CSMD1: variants seen among roughly 807,000 people sequenced by gnomAD.
CSMD1 encodes CUB and sushi domain-containing protein 1.
Under a neutral mutation model 417.5 loss-of-function variants are expected in CSMD1, and 213 were observed. The ratio of observed to expected loss-of-function variants is 0.51; its 90% CI spans 0.46 to 0.57. CSMD1 has a LOEUF of 0.57. Ranked by LOEUF, CSMD1 falls within the 20% of genes least tolerant of loss-of-function variation. CSMD1 has a pLI of 0.00. For synonymous variants in CSMD1, 2,862 were observed against 1,736.8 expected (o/e 1.65, Z -16.11); for missense variants, 6,923 against 4,529.7 (o/e 1.53, Z -15.17).
intron 23 of CSMD1, among the ~76,000 whole-genome samples, chr8:3,326,935 G>C (rs915237616): frequency 6.6e-6 from 1 of 152,020 alleles, no homozygotes; most frequent in African/African-American, 2.4e-5. Context: ...TCGGCTCTTA[G>C]GGAGGAAGAG....
intron 5 of CSMD1, among the ~76,000 whole-genome samples, chr8:3,879,500 T>C (rs1253704602): frequency 1.3e-5 from 2 of 152,178 alleles, no homozygotes; most frequent in East Asian, 3.8e-4. Flanking sequence ...GAGACCAAGT[T>C]ACCGTGAGAG....
chr8:3,374,751 C>A (rs1810200653), intron 18 of CSMD1, among the ~76,000 whole-genome samples: 1 of 152,110 alleles, frequency 6.6e-6, no homozygotes, highest in Non-Finnish European at 1.5e-5. Flanking sequence ...TTCCAGGATC[C>A]TACGGCTTCC....
chr8:4,910,126 C>A (rs1230759714), intron 1 of CSMD1, among the ~76,000 whole-genome samples: 1 of 152,138 alleles, frequency 6.6e-6, no homozygotes, highest in Non-Finnish European at 1.5e-5. Flanking sequence ...ATTTTTATAT[C>A]AGTTTTAATG....
chr8:4,431,925 G>T (rs1005298760), intron 2 of CSMD1, among the ~76,000 whole-genome samples: 2 of 151,950 alleles, frequency 1.3e-5, no homozygotes, highest in Non-Finnish European at 2.9e-5. Flanking sequence ...GGGTAAATGG[G>T]AATTACTTCA....
chr8:4,017,603 G>A (rs1796584752), intron 4 of CSMD1, among the ~76,000 whole-genome samples: 1 of 152,152 alleles, frequency 6.6e-6, no homozygotes, highest in South Asian at 2.1e-4. Context: ...ACCGTGCCCA[G>A]CTGCCACCTC....
intron 3 of CSMD1, among the ~76,000 whole-genome samples, chr8:4,105,495 A>T (rs943433666): frequency 2.6e-5 from 4 of 152,234 alleles, no homozygotes; most frequent in Non-Finnish European, 5.9e-5. Flanking sequence ...TATGTTCCAG[A>T]GATGGTTCTA....
chr8:3,106,596 C>G lies in CSMD1; in HGVS notation c.6881G>C (p.Gly2294Ala), dbSNP rs762167178. The change falls in exon 46 of 70, where the codon GGG becomes GCG. Residue 2294 changes from glycine to alanine, a missense_variant. Coordinates refer to ENST00000635120, the MANE Select transcript of CSMD1 (RefSeq NM_033225.6). ...GAGCTTGCAAGTCAGAATGTCGGTC[C>G]CCACCAAGGTGTACCCGGGGTGGCA... ...YQCHPGYTLV[G>A]TDILTCKLSS... 33 of 1,613,612 alleles carry G rather than the reference C, an allele frequency of 2.0e-5. No homozygotes were observed. Among genetic ancestry groups the G allele is most frequent in the Non-Finnish European group, 2.8e-5 (33 of 1,179,822 alleles).
intron 1 of CSMD1, among the ~76,000 whole-genome samples, chr8:4,930,329 C>T (rs1807161452): frequency 6.6e-6 from 1 of 152,066 alleles, no homozygotes; most frequent in Non-Finnish European, 1.5e-5. Flanking sequence ...CAATTCTGAA[C>T]ACTGTAATAA....
At chr8:3,157,838 G>A in intron 39 of CSMD1, 59 bp downstream of exon 39, 1 of 1,347,822 alleles carries the variant, frequency 7.4e-7, no homozygotes, top group Non-Finnish European at 1.0e-6. Flanking sequence ...CAAGAGTAGA[G>A]CAGGCATGTT....
intron 2 of CSMD1, among the ~76,000 whole-genome samples, chr8:4,563,871 C>A (rs76336779): frequency 6.6e-6 from 1 of 152,014 alleles, no homozygotes; most frequent in African/African-American, 2.4e-5. Context: ...CTTGGAGTTG[C>A]GAAGTAACAA....
At chr8:3,360,063 C>T (rs1585050624) in intron 20 of CSMD1, among the ~76,000 whole-genome samples, 1 of 152,124 alleles carries the variant, frequency 6.6e-6, no homozygotes, top group South Asian at 2.1e-4. Flanking sequence ...AGCAAAGGCA[C>T]AGGGCTATGT....
intron 2 of CSMD1, among the ~76,000 whole-genome samples, chr8:4,447,466 A>C (rs894869035): frequency 2.6e-5 from 4 of 152,364 alleles, no homozygotes; most frequent in Non-Finnish European, 4.4e-5. Context: ...TATTATTCAT[A>C]GACAGTAAAC....
At chr8:3,672,922 A>T (rs140059909) in intron 7 of CSMD1, among the ~76,000 whole-genome samples, 1 of 152,178 alleles carries the variant, frequency 6.6e-6, no homozygotes, top group Non-Finnish European at 1.5e-5. Context: ...GCCTTTTCCA[A>T]GCTCTTCACC....
In CSMD1 at chr8:3,263,501, G is replaced by A. The variant is rs139765680; in HGVS notation, c.4153+20643C>T. On this transcript the variant is annotated intron_variant, in intron 26 of 69. Transcript: ENST00000635120. The stretch of plus-strand genomic sequence containing the variant: ...ATGAATTCAAAGAGCCTTATAATCA[G>A]TTATTGGAAAGAGAATATTACTGGT... Among the ~76,000 whole-genome samples, 880 of 151,972 alleles carry A rather than the reference G, an allele frequency of 5.8e-3. 5 individuals are homozygous for A. The highest frequency in any genetic ancestry group is 0.01 in the Non-Finnish European group (700 of 68,004).
At chr8:4,344,903 C>A (rs1007937283) in intron 3 of CSMD1, among the ~76,000 whole-genome samples, 1 of 152,062 alleles carries the variant, frequency 6.6e-6, no homozygotes, top group Admixed American at 6.6e-5. Context: ...TGGACAAGAA[C>A]AGGCACTATG....
intron 1 of CSMD1, among the ~76,000 whole-genome samples, chr8:4,802,899 G>A (rs372992793): frequency 1.8e-4 from 28 of 152,250 alleles, no homozygotes; most frequent in African/African-American, 6.5e-4. Context: ...TTTTCAAATC[G>A]TGTGACATTA....
chr8:3,476,386 T>C lies in CSMD1; in HGVS notation c.1449-7562A>G, dbSNP rs113889361. ...AAGAATATTCACAATGTTTCTATTT[T>C]GGCAATTATGAATAGAGTTACTATA... On this transcript the variant is annotated intron_variant, in intron 11 of 69. Transcript: ENST00000635120. Among the ~76,000 whole-genome samples, 423 of 152,330 alleles carry C rather than the reference T, an allele frequency of 2.8e-3. 4 individuals carry two copies. Among genetic ancestry groups the C allele is most frequent in the African/African-American group, 9.8e-3 (407 of 41,566 alleles).
chr8:4,245,213 G>T (rs1035525749), intron 3 of CSMD1, among the ~76,000 whole-genome samples: 15 of 152,142 alleles, frequency 9.9e-5, no homozygotes, highest in African/African-American at 3.4e-4. Flanking sequence ...CTTACCACTG[G>T]TTTTCTGAAC....
At chr8:4,832,014 G>C (rs138799252) in intron 1 of CSMD1, among the ~76,000 whole-genome samples, 1 of 152,142 alleles carries the variant, frequency 6.6e-6, no homozygotes, top group Non-Finnish European at 1.5e-5. Context: ...CTTTCAAAAG[G>C]AGCTTCCTCC....
Sources: allele counts gnomAD v4.1 joint callset (sites outside exome capture counted in the v4.1 genomes callset), GRCh38; gene constraint gnomAD v4.1.1; transcripts MANE v1.5; gene names NCBI Gene and HGNC (gene_info 2026-07-23, HGNC 2026-07-21).